CTSC: variants seen among roughly 807,000 people sequenced by gnomAD.
CTSC encodes cathepsin C.
In CTSC, 37 loss-of-function variants were observed where a neutral mutation model predicts 40.9. That is an observed-to-expected ratio of 0.91 (90% CI 0.70 to 1.19). The LOEUF is 1.19. Ranked by LOEUF, CTSC falls within the 50% of genes most tolerant of loss-of-function variation. The pLI is 0.00. For synonymous variants in CTSC, 232 were observed against 207.4 expected (o/e 1.12, Z -1.02); for missense variants, 594 against 567.3 (o/e 1.05, Z -0.48).
intron 3 of CTSC, among the ~76,000 whole-genome samples, chr11:88,310,971 A>G (rs1937743015): frequency 6.6e-6 from 1 of 152,200 alleles, no homozygotes; most frequent in African/African-American, 2.4e-5. Flanking sequence ...TAATGACAAG[A>G]TAGCATCCTA....
At chr11:88,320,318 T>C (rs1459402750) in intron 2 of CTSC, among the ~76,000 whole-genome samples, 1 of 152,162 alleles carries the variant, frequency 6.6e-6, no homozygotes, top group Admixed American at 6.5e-5. Flanking sequence ...ACTCCAGAAT[T>C]AGCTAAGAAA....
Position 88,334,948 on chromosome 11 carries a change from C to T in CTSC, c.307G>A (p.Ala103Thr), listed in dbSNP as rs1938449747. The T allele has an allele frequency of 6.2e-7, 1 of 1,612,540 alleles. No individual in the cohort carries two copies. Among genetic ancestry groups the T allele is most frequent in the African/African-American group, 1.3e-5 (1 of 74,918 alleles). ...EIVLNDYKWF[A>T]FFKYKEEGSK... The stretch of plus-strand genomic sequence containing the variant: ...CCAACAAAACTAACCTTAAAAAAGG[C>T]AAACCACTTGTAGTCATTCAACACA... The change falls in exon 2 of 7, where the codon GCC becomes ACC. Residue 103 changes from alanine to threonine, a missense_variant. Coordinates refer to ENST00000227266, the MANE Select transcript of CTSC (RefSeq NM_001814.6).
At chr11:88,326,334 G>C in intron 2 of CTSC, 1 of 1,613,788 alleles carries the variant, frequency 6.2e-7, no homozygotes, top group South Asian at 1.1e-5. Flanking sequence ...GCCTTTGCTA[G>C]CTGCTACAGG....
intron 4 of CTSC, among the ~76,000 whole-genome samples, chr11:88,305,408 C>T (rs1937622088): frequency 2.6e-5 from 4 of 152,124 alleles, no homozygotes; most frequent in Non-Finnish European, 4.4e-5. Context: ...GAAGAGAGAG[C>T]AAGAGGAGTC....
intron 2 of CTSC, chr11:88,322,514 T>C (rs1170729085): frequency 2.0e-5 from 3 of 152,134 alleles, no homozygotes; most frequent in African/African-American, 7.2e-5. Flanking sequence ...CTTTCCCTAT[T>C]GCTTCTTTTT....
rs77505891 is a variant in CTSC, at chr11:88,310,340, T to C, written c.486-1022A>G. Among the ~76,000 whole-genome samples, 1,171 of 152,270 alleles carry C rather than the reference T, an allele frequency of 7.7e-3. 13 individuals are homozygous for C. Among genetic ancestry groups the C allele is most frequent in the African/African-American group, 0.026 (1,093 of 41,552 alleles). On this transcript the variant is annotated intron_variant, in intron 3 of 6. Transcript: ENST00000227266. Reference sequence around the variant, plus strand: ...AAAGTAGAAAAATTCAGGAAGCTGATTATTCACTTAATTAAAACATTTATC... The same window carrying C: ...AAAGTAGAAAAATTCAGGAAGCTGACTATTCACTTAATTAAAACATTTATC...
chr11:88,332,150 A>C (rs545927664), intron 2 of CTSC, among the ~76,000 whole-genome samples: 1 of 152,238 alleles, frequency 6.6e-6, no homozygotes, highest in African/African-American at 2.4e-5. Flanking sequence ...GCAGGTAAGC[A>C]TGGCAAGAAT....
intron 2 of CTSC, chr11:88,324,921 G>A: frequency 1.0e-6 from 1 of 985,226 alleles, no homozygotes; most frequent in Non-Finnish European, 1.2e-6. Flanking sequence ...TAGCAGAACA[G>A]TATACCTCTC....
At position 88,334,969 on chromosome 11, in the gene CTSC, A is replaced by G. The variant is rs533146204; in HGVS notation, c.286T>C (p.Leu96=). 1 of 1,613,020 alleles carries G rather than the reference A, an allele frequency of 6.2e-7. No homozygotes were observed. Among genetic ancestry groups the G allele is most frequent in the African/African-American group, 1.3e-5 (1 of 74,982 alleles). ...IIYNQGFEIV[L]NDYKWFAFFK... is the part of the protein sequence containing the mutation. ...AAGGCAAACCACTTGTAGTCATTCAACACAATCTCAAAGCCTTGGTTGTAA... is the reference window on the plus strand; with the variant it reads ...AAGGCAAACCACTTGTAGTCATTCAGCACAATCTCAAAGCCTTGGTTGTAA... The change falls in exon 2 of 7, where the codon TTG becomes CTG. Residue 96 remains leucine (L), a synonymous_variant. Coordinates refer to ENST00000227266, the MANE Select transcript of CTSC (RefSeq NM_001814.6).
chr11:88,320,649 T>C (rs893890939), intron 2 of CTSC, among the ~76,000 whole-genome samples: 5 of 152,188 alleles, frequency 3.3e-5, no homozygotes, highest in African/African-American at 1.2e-4. Flanking sequence ...TCTATAGGCT[T>C]ACACAAGATT....
intron 4 of CTSC, 73 bp downstream of exon 4, chr11:88,309,090 T>C: frequency 2.2e-6 from 3 of 1,363,302 alleles, no homozygotes; most frequent in East Asian, 2.4e-5. Context: ...GCAACACTGG[T>C]AGGACTGCTT....
intron 2 of CTSC, chr11:88,325,127 C>A: frequency 1.0e-6 from 1 of 985,242 alleles, no homozygotes; most frequent in Non-Finnish European, 1.2e-6. Context: ...GGAAACAAGA[C>A]CATTATTCGG....
chr11:88,295,413 C>G (rs1245385438), intron 6 of CTSC, among the ~76,000 whole-genome samples: 1 of 151,936 alleles, frequency 6.6e-6, no homozygotes, highest in Admixed American at 6.6e-5. Context: ...GGGCCTCACT[C>G]CGTTTGCCCA....
At chr11:88,313,214 T>C (rs1937803757) in intron 2 of CTSC, among the ~76,000 whole-genome samples, 1 of 152,042 alleles carries the variant, frequency 6.6e-6, no homozygotes, top group Non-Finnish European at 1.5e-5. Flanking sequence ...GGATTAAAGG[T>C]GCTTACCACC....
intron 2 of CTSC, chr11:88,323,631 C>T (rs1938092524): frequency 6.6e-6 from 1 of 151,982 alleles, no homozygotes; most frequent in African/African-American, 2.4e-5. Flanking sequence ...CAACAAAAGG[C>T]AAGCAGAGAG....
At position 88,336,947 on chromosome 11, in the gene CTSC, A is replaced by T. The variant is rs910108191; in HGVS notation, c.172+554T>A. On this transcript the variant is annotated intron_variant, in intron 1 of 6. Transcript: ENST00000227266. Reference sequence around the variant, plus strand: ...TTCTTTGTTATTAATTTTTTAAAAAATTTTTACCTCCTTGCAATGCATGAA... The same window carrying T: ...TTCTTTGTTATTAATTTTTTAAAAATTTTTTACCTCCTTGCAATGCATGAA... Among the ~76,000 whole-genome samples, 7 of 152,122 alleles carry T rather than the reference A, an allele frequency of 4.6e-5. 1 individual carries two copies. Among genetic ancestry groups the T allele is most frequent in the Admixed American group, 1.3e-4 (2 of 15,272 alleles).
chr11:88,316,500 T>TAAATAAATAAATAAATAAAA (rs879568972), intron 2 of CTSC, among the ~76,000 whole-genome samples: 1 of 151,746 alleles, frequency 6.6e-6, no homozygotes, highest in South Asian at 2.1e-4. Flanking sequence ...AATAAATAAA[T>TAAATAAATAAATAAATAAAA]AAATGAAGCA....
At chr11:88,313,348 G>A (rs1937809644) in intron 2 of CTSC, among the ~76,000 whole-genome samples, 4 of 152,202 alleles carry the variant, frequency 2.6e-5, no homozygotes, top group Admixed American at 2.6e-4. Flanking sequence ...GATTACAGGT[G>A]TGAGCCACAG....
At chr11:88,325,160 A>C in intron 2 of CTSC, 6 of 984,632 alleles carry the variant, frequency 6.1e-6, no homozygotes, top group Non-Finnish European at 6.0e-6. Flanking sequence ...AGAAGATAGC[A>C]ATCAGTTGAA....
Sources: allele counts gnomAD v4.1 joint callset (sites outside exome capture counted in the v4.1 genomes callset), GRCh38; gene constraint gnomAD v4.1.1; transcripts MANE v1.5; gene names NCBI Gene and HGNC (gene_info 2026-07-23, HGNC 2026-07-21).